Variants in SLC39A11 observed in about 807,000 individuals in gnomAD.
The protein encoded by SLC39A11 is solute carrier family 39 member 11, also known as zinc transporter ZIP11.
SLC39A11 carries 33 observed loss-of-function variants against 36.1 expected under a neutral mutation model. The observed-to-expected ratio is 0.91, with a 90% CI of 0.69 to 1.22. The LOEUF (loss-of-function observed/expected upper bound fraction) is 1.22. SLC39A11 is among the 50% of genes most tolerant of loss of function. SLC39A11 has a pLI of 0.00. For missense variants in SLC39A11, 432 were observed against 430.3 expected, an observed-to-expected ratio of 1.00 and a Z score of -0.03; for synonymous variants, 166 against 170.3, an observed-to-expected ratio of 0.97 and a Z score of 0.20.
At chr17:73,042,916 C>T (rs939902512) in intron 3 of SLC39A11, among the ~76,000 whole-genome samples, 3 of 152,174 alleles carry the variant, frequency 2.0e-5, no homozygotes, top group African/African-American at 7.2e-5. Context: ...AGTCAATCAG[C>T]AATTCCTAAG....
chr17:72,812,068 A>G (rs1434326523), intron 6 of SLC39A11, among the ~76,000 whole-genome samples: 3 of 152,230 alleles, frequency 2.0e-5, no homozygotes, highest in Admixed American at 1.3e-4. Flanking sequence ...GAATCACTAA[A>G]TAAACTGTCT....
At chr17:72,909,312 C>T (rs12600622) in intron 5 of SLC39A11, among the ~76,000 whole-genome samples, 9 of 152,090 alleles carry the variant, frequency 5.9e-5, no homozygotes, top group East Asian at 3.9e-4. Flanking sequence ...ATGAAGAATG[C>T]GATTCTGGGG....
chr17:72,909,830 C>T (rs1398800363), intron 5 of SLC39A11, among the ~76,000 whole-genome samples: 2 of 151,752 alleles, frequency 1.3e-5, no homozygotes, highest in East Asian at 3.9e-4. Context: ...ACTGCAACCT[C>T]CGCTTCCCGC....
intron 7 of SLC39A11, among the ~76,000 whole-genome samples, chr17:72,690,084 C>T (rs573880087): frequency 6.6e-6 from 1 of 152,180 alleles, no homozygotes; most frequent in Non-Finnish European, 1.5e-5. Flanking sequence ...TTCTGGGGAG[C>T]GTGTGTGATC....
At chr17:72,717,795 G>A (rs1441873484) in intron 7 of SLC39A11, among the ~76,000 whole-genome samples, 1 of 152,180 alleles carries the variant, frequency 6.6e-6, no homozygotes, top group Non-Finnish European at 1.5e-5. Flanking sequence ...GGAACTTACA[G>A]GACAGGTCAC....
chr17:72,857,667 T>C (rs2079720331), intron 5 of SLC39A11, among the ~76,000 whole-genome samples: 1 of 152,244 alleles, frequency 6.6e-6, no homozygotes, highest in Non-Finnish European at 1.5e-5. Context: ...GACTTTTTAA[T>C]AATAGCCATT....
At chr17:72,995,253 C>T (rs906994921) in intron 4 of SLC39A11, among the ~76,000 whole-genome samples, 7 of 152,136 alleles carry the variant, frequency 4.6e-5, no homozygotes, top group African/African-American at 1.7e-4. Context: ...TGCCTTTCAT[C>T]CAAATAGATG....
At chr17:72,853,344 A>AT (rs1292416013) in intron 5 of SLC39A11, among the ~76,000 whole-genome samples, 1 of 151,990 alleles carries the variant, frequency 6.6e-6, no homozygotes, top group Non-Finnish European at 1.5e-5. Flanking sequence ...GGATTTTATA[A>AT]TTTAAGAGAG....
At chr17:73,059,503 C>T (rs190232718) in intron 3 of SLC39A11, among the ~76,000 whole-genome samples, 6 of 151,858 alleles carry the variant, frequency 4.0e-5, no homozygotes, top group Non-Finnish European at 7.4e-5. Flanking sequence ...CCTGTCTCCA[C>T]AAAAAATACA....
At chr17:73,051,553 GA>G (rs1443300550) in intron 3 of SLC39A11, among the ~76,000 whole-genome samples, 2 of 151,088 alleles carry the variant, frequency 1.3e-5, no homozygotes, top group African/African-American at 4.9e-5. Context: ...AATAGGAAGT[GA>G]GGGGGAGCCG....
chr17:73,076,508 C>T (rs970062601), intron 3 of SLC39A11, among the ~76,000 whole-genome samples: 1 of 152,194 alleles, frequency 6.6e-6, no homozygotes, highest in African/African-American at 2.4e-5. Context: ...TAAATGTATA[C>T]AAACCAACTG....
chr17:73,043,768 C>T (rs1374135877), intron 3 of SLC39A11, among the ~76,000 whole-genome samples: 2 of 152,098 alleles, frequency 1.3e-5, no homozygotes, highest in African/African-American at 4.8e-5. Flanking sequence ...TGAGGCTGCC[C>T]ATGTCTGTTC....
intron 3 of SLC39A11, among the ~76,000 whole-genome samples, chr17:73,047,475 C>T (rs946686916): frequency 2.6e-5 from 4 of 151,982 alleles, no homozygotes; most frequent in African/African-American, 4.8e-5. Context: ...TAGTAACACT[C>T]GTAAATAAAA....
intron 6 of SLC39A11, among the ~76,000 whole-genome samples, chr17:72,766,819 G>T (rs1412067718): frequency 6.6e-6 from 1 of 152,106 alleles, no homozygotes; most frequent in Non-Finnish European, 1.5e-5. Context: ...AATCCAAAGG[G>T]CATCAGCCTA....
intron 3 of SLC39A11, chr17:73,072,367 T>C (rs759614311): frequency 6.6e-6 from 1 of 152,218 alleles, no homozygotes; most frequent in African/African-American, 2.4e-5. Flanking sequence ...AGACAGGGAC[T>C]GTTTGCAGGG....
chr17:72,754,257 G>C (rs1241668289), intron 6 of SLC39A11, among the ~76,000 whole-genome samples: 1 of 152,030 alleles, frequency 6.6e-6, no homozygotes, highest in Non-Finnish European at 1.5e-5. Context: ...AGGATGCAAA[G>C]GCATACGAAT....
At chr17:72,651,716 C>A (rs547880684) in intron 7 of SLC39A11, among the ~76,000 whole-genome samples, 1 of 152,072 alleles carries the variant, frequency 6.6e-6, no homozygotes, top group African/African-American at 2.4e-5. Context: ...TGATAGCATC[C>A]GAAAACTGAT....
At chr17:72,654,905 T>C (rs988188855) in intron 7 of SLC39A11, among the ~76,000 whole-genome samples, 3 of 152,238 alleles carry the variant, frequency 2.0e-5, no homozygotes, top group African/African-American at 7.2e-5. Context: ...CCCGGCGGGC[T>C]GTGGGAGCCT....
At chr17:72,934,770 AT>A (rs1343315424) in intron 5 of SLC39A11, among the ~76,000 whole-genome samples, 1 of 152,248 alleles carries the variant, frequency 6.6e-6, no homozygotes, top group Non-Finnish European at 1.5e-5. Context: ...AAATGAGCAC[AT>A]GAAAAGATGC....
Sources: allele counts gnomAD v4.1 joint callset (sites outside exome capture counted in the v4.1 genomes callset), GRCh38; gene constraint gnomAD v4.1.1; transcripts MANE v1.5; gene names NCBI Gene and HGNC (gene_info 2026-07-23, HGNC 2026-07-21).